LRIG2: variants seen among roughly 807,000 people sequenced by gnomAD.
LRIG2 encodes leucine-rich repeats and immunoglobulin-like domains protein 2.
Under a neutral mutation model 107.8 loss-of-function variants are expected in LRIG2, and 93 were observed. The observed-to-expected ratio is 0.86, with a 90% confidence interval of 0.73 to 1.03. The LOEUF is 1.03. LRIG2 is among the 50% of genes least tolerant of loss of function. The pLI is 0.00. For synonymous variants in LRIG2, 471 were observed against 470.6 expected, an observed-to-expected ratio of 1.00 and a Z score of -0.01; for missense variants, 1,226 against 1,296.0, an observed-to-expected ratio of 0.95 and a Z score of 0.83.
chr1:113,081,380 C>T (rs1006281779), intron 1 of LRIG2, among the ~76,000 whole-genome samples: 23 of 151,852 alleles, frequency 1.5e-4, no homozygotes, highest in African/African-American at 5.3e-4. Context: ...TGGTCTGAAA[C>T]TGTATACTGG....
At position 113,093,292 on chromosome 1, in the gene LRIG2, A is replaced by C; in HGVS notation, c.380+12A>C. On this transcript the variant is annotated intron_variant, in intron 3 of 17. Transcript: ENST00000361127. The stretch of plus-strand genomic sequence containing the variant: ...ACTCTACTTTCATTGTAAGTTAGTA[A>C]GTTTTCAGGTTTTTTACTTAAATTA... The C allele has an allele frequency of 2.5e-6, 4 of 1,569,892 alleles. No individual in the cohort carries two copies. The highest frequency in any genetic ancestry group is 3.5e-6 in the Non-Finnish European group (4 of 1,157,478).
intron 1 of LRIG2, 104 bp from the exon 2 acceptor site, chr1:113,091,214 G>A: frequency 2.9e-6 from 2 of 687,714 alleles, no homozygotes; most frequent in Non-Finnish European, 4.8e-6. Flanking sequence ...ATGAGCCACT[G>A]TACCTGGCCA....
chr1:113,127,332 G>T lies in LRIG2; in HGVS notation c.*3231G>T, dbSNP rs936884071. ...CCTCCCAGGTTCAAGCAATTCTCTTGCCTCAGCCTCCCAAGTAGCTGGGAT... is the reference window on the plus strand; with the variant it reads ...CCTCCCAGGTTCAAGCAATTCTCTTTCCTCAGCCTCCCAAGTAGCTGGGAT... On this transcript the variant is annotated 3_prime_UTR_variant, in exon 18 of 18. Transcript: ENST00000361127. 2 of 149,632 alleles carry T rather than the reference G, an allele frequency of 1.3e-5. No individual in the cohort carries two copies. The highest frequency in any genetic ancestry group is 2.1e-4 in the South Asian group (1 of 4,732). 9.3% of individuals were successfully genotyped at this position (149,632 alleles called of 1,614,324 possible).
At chr1:113,088,439 ATAATTATTTTCTTTAAAAATGATTATG>A (rs1436530915) in intron 1 of LRIG2, among the ~76,000 whole-genome samples, 8 of 152,346 alleles carry the variant, frequency 5.3e-5, no homozygotes, top group Non-Finnish European at 1.0e-4. Context: ...GATTTCTTTA[ATAATTATTTTCTTTAAAAATGATTATG>A]TGGGTCAATG....
chr1:113,079,160 C>T (rs892059437), intron 1 of LRIG2, among the ~76,000 whole-genome samples: 6 of 151,528 alleles, frequency 4.0e-5, no homozygotes, highest in South Asian at 2.1e-4. Context: ...GGCTGGGCAA[C>T]GTGGCAAAAC....
intron 1 of LRIG2, among the ~76,000 whole-genome samples, chr1:113,076,018 T>TA (rs1234298215): frequency 6.7e-6 from 1 of 149,604 alleles, no homozygotes; most frequent in African/African-American, 2.5e-5. Context: ...TTTTTTTTTT[T>TA]TATTTAAGAG....
At position 113,098,793 on chromosome 1, in the gene LRIG2, T is replaced by C. The variant is rs1654179363; in HGVS notation, c.1172+8T>C. ...CACAAGTCTCACTAAACTGTATGTA[T>C]TATAATATTTATGTATGTCTACATA... On this transcript the variant is annotated splice_region_variant and intron_variant, in intron 9 of 17. Transcript: ENST00000361127. 12 of 1,529,788 alleles carry C rather than the reference T, an allele frequency of 7.8e-6. No homozygotes were observed. The Middle Eastern group carries it at 5.1e-4, about 65-fold the overall frequency. The allele number at this position is 1,529,788 out of a possible 1,614,324, so 94.8% of individuals were successfully genotyped here.
At chr1:113,122,728 T>G (rs1003087923) in intron 17 of LRIG2, among the ~76,000 whole-genome samples, 1 of 152,192 alleles carries the variant, frequency 6.6e-6, no homozygotes, top group African/African-American at 2.4e-5. Context: ...CTGTTGACTA[T>G]CAGCATCACC....
chr1:113,105,007 G>A (rs1055934589), intron 11 of LRIG2, among the ~76,000 whole-genome samples: 8 of 152,046 alleles, frequency 5.3e-5, no homozygotes, highest in East Asian at 1.9e-4. Flanking sequence ...TTAACCAGGC[G>A]TGGTGGCATG....
At position 113,095,898 on chromosome 1, in the gene LRIG2, A is replaced by G. The variant is rs1654042242; in HGVS notation, c.828A>G (p.Thr276=). 6.2e-7 allele frequency: 1 copy of G among 1,614,164 alleles called. No individual in the cohort carries two copies. Among genetic ancestry groups the G allele is most frequent in the Non-Finnish European group, 8.5e-7 (1 of 1,180,036 alleles). Residue 276 remains threonine, a synonymous_variant, in exon 7 of 18, where the codon ACA becomes ACG. Transcript: ENST00000361127. ...EELELEHNNL[T]RVNKGWLYGL... ...GAGAACTGGAACACAACAACCTTACACGAGTAAACAAGGGGTGGTTGTATG... is the reference window on the plus strand; with the variant it reads ...GAGAACTGGAACACAACAACCTTACGCGAGTAAACAAGGGGTGGTTGTATG...
chr1:113,092,729 G>A (rs916858595), intron 2 of LRIG2, among the ~76,000 whole-genome samples: 3 of 152,148 alleles, frequency 2.0e-5, no homozygotes, highest in Admixed American at 1.3e-4. Flanking sequence ...GGTGGCTTAC[G>A]CCGGTAATCC....
chr1:113,093,129 G>A (rs2101034020), intron 2 of LRIG2, 77 bp from the exon 3 acceptor site: 2 of 866,516 alleles, frequency 2.3e-6, no homozygotes, highest in Non-Finnish European at 1.9e-6. Flanking sequence ...TAAAGAATAT[G>A]TGTTAGCCAG....
In LRIG2 at chr1:113,091,328, C is replaced by G. The variant is rs1419824030; in HGVS notation, c.250C>G (p.His84Asp). The G allele has an allele frequency of 1.2e-6, 2 of 1,602,774 alleles. No homozygotes were observed. The highest frequency in any genetic ancestry group is 1.7e-6 in the Non-Finnish European group (2 of 1,172,292). The change falls in exon 2 of 18, where the codon CAT becomes GAT. Residue 84 changes from histidine (H) to aspartate (D), a missense_variant. Physicochemically the swap from His to Asp is moderately conservative, Grantham distance 81 (BLOSUM62 -1). Transcript: ENST00000361127. ...PPDTAILDFSHNRLSNWNISL... is the reference protein window; with the variant it reads ...PPDTAILDFSDNRLSNWNISL... ...TTTGTCCTCTTTCAGGGATTTCAGTCATAATCGGTTGTCTAACTGGAACAT... is the reference window on the plus strand; with the variant it reads ...TTTGTCCTCTTTCAGGGATTTCAGTGATAATCGGTTGTCTAACTGGAACAT...
In LRIG2 at chr1:113,119,204, G is replaced by T. The variant is rs542271923; in HGVS notation, c.2681-29G>T. ...GCAAAAAATAATTCCTTAACAGAAA[G>T]ATATTTAGATTCTTTTTCTTGTTAT... On this transcript the variant is annotated intron_variant, in intron 16 of 17. Coordinates refer to ENST00000361127, the MANE Select transcript of LRIG2 (RefSeq NM_014813.3). The T allele has an allele frequency of 4.4e-6, 7 of 1,586,102 alleles. No homozygotes were observed. In the South Asian group the frequency reaches 6.8e-5, roughly 15 times the overall value.
At chr1:113,117,722 C>A (rs1040111902) in intron 16 of LRIG2, among the ~76,000 whole-genome samples, 4 of 152,084 alleles carry the variant, frequency 2.6e-5, no homozygotes, top group African/African-American at 9.7e-5. Context: ...ACCTTGTGAT[C>A]TGCCTGCCTC....
chr1:113,118,034 C>T (rs1655090997), intron 16 of LRIG2, among the ~76,000 whole-genome samples: 1 of 152,134 alleles, frequency 6.6e-6, no homozygotes, highest in African/African-American at 2.4e-5. Flanking sequence ...ATTCTCCTGC[C>T]TCAGCCTCCT....
chr1:113,110,375 T>G lies in LRIG2; in HGVS notation c.1611T>G (p.Ser537Arg). ...TGTCCACTGTGTGGCGCAAAGACAG[T>G]GAAATCCTGTATGACGTGGATACTG... ...SPMSTVWRKD[S>R]EILYDVDTEN... is the part of the protein sequence containing the mutation. The change falls in exon 13 of 18, where the codon AGT (serine) becomes AGG (arginine). Residue 537 changes from serine to arginine, a missense_variant. Ser to Arg is a moderately radical substitution (Grantham distance 110, BLOSUM62 -1). This residue lies in a region of LRIG2 where 642 missense variants were observed against 712.2 expected (regional missense o/e 0.90). Transcript: ENST00000361127. The G allele has an allele frequency of 6.2e-7, 1 of 1,614,186 alleles. No individual in the cohort carries two copies. Among genetic ancestry groups the G allele is most frequent in the Non-Finnish European group, 8.5e-7 (1 of 1,180,032 alleles).
intron 1 of LRIG2, among the ~76,000 whole-genome samples, chr1:113,089,676 C>CCTT: frequency 1.4e-5 from 1 of 71,674 alleles, no homozygotes; most frequent in Non-Finnish European, 2.5e-5. Context: ...AGGTGGATTG[C>CCTT]TTTTTTTTTT....
At chr1:113,088,162 T>A (rs1292024621) in intron 1 of LRIG2, among the ~76,000 whole-genome samples, 3 of 152,190 alleles carry the variant, frequency 2.0e-5, no homozygotes, top group African/African-American at 4.8e-5. Context: ...AATGTGGGTT[T>A]GTTTTAGAGG....
Sources: allele counts gnomAD v4.1 joint callset (sites outside exome capture counted in the v4.1 genomes callset), GRCh38; gene constraint gnomAD v4.1.1; regional missense constraint gnomAD v4.1.1; transcripts MANE v1.5; gene names NCBI Gene and HGNC (gene_info 2026-07-23, HGNC 2026-07-21).